MAEA: variants seen among roughly 807,000 people sequenced by gnomAD.
The protein encoded by MAEA is macrophage erythroblast attacher, E3 ubiquitin ligase.
In MAEA, 22 loss-of-function variants were observed where a neutral mutation model predicts 46.2. The observed-to-expected ratio is 0.48, with a 90% CI of 0.34 to 0.68. MAEA has a LOEUF of 0.68. Ranked by LOEUF, MAEA falls within the 30% of genes least tolerant of loss-of-function variation. MAEA has a pLI of 0.01. For synonymous variants in MAEA, 246 were observed against 222.6 expected (o/e 1.11, Z -0.94); for missense variants, 393 against 558.1 (o/e 0.70, Z 2.98).
chr4:1,309,965 T>C, intron 1 of MAEA: 1 of 1,247,010 alleles, frequency 8.0e-7, no homozygotes, highest in Non-Finnish European at 1.0e-6. Context: ...AGAGAGGCCT[T>C]TCCTTTTCTG....
intron 1 of MAEA, among the ~76,000 whole-genome samples, chr4:1,290,764 C>T (rs186057036): frequency 6.6e-6 from 1 of 152,312 alleles, no homozygotes; most frequent in African/African-American, 2.4e-5. Context: ...TGTTCACGTC[C>T]GTCTGAGGAC....
intron 1 of MAEA, chr4:1,309,312 C>G (rs1289600119): frequency 1.7e-6 from 1 of 577,982 alleles, no homozygotes; most frequent in Non-Finnish European, 2.4e-6. Context: ...CACTCGGTCA[C>G]CAAATGCCCT....
At chr4:1,293,395 A>G (rs1734308001) in intron 1 of MAEA, among the ~76,000 whole-genome samples, 1 of 152,166 alleles carries the variant, frequency 6.6e-6, no homozygotes, top group African/African-American at 2.4e-5. Flanking sequence ...TGTCTCAAAT[A>G]ATAAATAAAT....
intron 1 of MAEA, among the ~76,000 whole-genome samples, chr4:1,301,432 G>A (rs972182800): frequency 2.0e-5 from 3 of 152,188 alleles, no homozygotes; most frequent in East Asian, 1.9e-4. Flanking sequence ...GAGAAATCCC[G>A]TGAACATAAA....
intron 1 of MAEA, chr4:1,309,554 A>T: frequency 2.8e-6 from 4 of 1,447,300 alleles, no homozygotes; most frequent in Non-Finnish European, 3.7e-6. Flanking sequence ...CTCAGATTGG[A>T]TAGCCCCGGG....
chr4:1,312,149 C>A lies in MAEA; in HGVS notation c.240C>A (p.Val80=), dbSNP rs756840941. The A allele has an allele frequency of 8.1e-6, 13 of 1,613,832 alleles. No individual in the cohort carries two copies. The highest frequency in any genetic ancestry group is 4.4e-5 in the South Asian group (4 of 91,090). The stretch of plus-strand genomic sequence containing the variant: ...ACGGCGTGGTGGAGAAGCTCAGCGT[C>A]CTCAAGAGGAAGGTTGGTCCCGCCT... ...LLDGVVEKLS[V]LKRKAVESIQ... The change falls in exon 2 of 9, where the codon GTC becomes GTA. Residue 80 remains valine (V), a synonymous_variant. Coordinates refer to ENST00000303400, the MANE Select transcript of MAEA (RefSeq NM_001017405.3).
rs749446216 is a variant in MAEA, at chr4:1,309,916, C to T, written c.70-2063C>T. Reference sequence around the variant, plus strand: ...GGGGTTGGAAAGTCCAGAAAGGCCCCGTTCCCGCGTAGAACTTGAATGCAG... The same window carrying T: ...GGGGTTGGAAAGTCCAGAAAGGCCCTGTTCCCGCGTAGAACTTGAATGCAG... On this transcript the variant is annotated intron_variant, in intron 1 of 8. Transcript: ENST00000303400. The T allele has an allele frequency of 3.2e-5, 41 of 1,281,874 alleles. No homozygotes were observed. In the South Asian group the frequency reaches 9.9e-4, roughly 31 times the overall value. The allele number at this position is 1,281,874 out of a possible 1,614,324, so 79.4% of individuals were successfully genotyped here. A position where few individuals can be genotyped will look rare whatever the true frequency, so the allele number is the denominator to read the frequency against.
chr4:1,295,798 C>A (rs1186000235), intron 1 of MAEA, among the ~76,000 whole-genome samples: 12 of 31,658 alleles, frequency 3.8e-4, no homozygotes, highest in East Asian at 2.0e-3. Flanking sequence ...TGCCCCCCTC[C>A]CCAGCGCCTG....
At position 1,311,872 on chromosome 4, in the gene MAEA, C is replaced by T. The variant is rs962547771; in HGVS notation, c.70-107C>T. ...TTTTGAGACCATGAACCTTCTGAGA[C>T]TTCTGCCTCTACAAGTGCCATGAGG... On this transcript the variant is annotated intron_variant, in intron 1 of 8. Coordinates refer to ENST00000303400, the MANE Select transcript of MAEA (RefSeq NM_001017405.3). This position sits in a 1 kb window ranked among gnomAD's most constrained non-coding sequence, Gnocchi z 4.4. 2.1e-6 allele frequency: 2 copies of T among 965,646 alleles called. No individual in the cohort carries two copies. The highest frequency in any genetic ancestry group is 1.6e-5 in the African/African-American group (1 of 60,720). 59.8% of individuals were successfully genotyped at this position (965,646 alleles called of 1,614,324 possible).
At position 1,307,364 on chromosome 4, in the gene MAEA, C is replaced by T. The variant is rs530740755; in HGVS notation, c.70-4615C>T. 6.6e-5 allele frequency among the ~76,000 whole-genome samples: 10 copies of T among 152,064 alleles called. No individual in the cohort carries two copies. In the East Asian group the frequency reaches 1.9e-3, roughly 29 times the overall value. ...GGATCCACCATTCTGCTTTATGTGT[C>T]TAAGAGTTGGACTGTGTGAGATACC... On this transcript the variant is annotated intron_variant, in intron 1 of 8. Coordinates refer to ENST00000303400, the MANE Select transcript of MAEA (RefSeq NM_001017405.3).
intron 7 of MAEA, chr4:1,338,165 G>T (rs1304411396): frequency 4.4e-6 from 2 of 456,574 alleles, no homozygotes; most frequent in Non-Finnish European, 7.9e-6. Flanking sequence ...GGGCGACGGA[G>T]CCACTCTGTG....
intron 1 of MAEA, among the ~76,000 whole-genome samples, chr4:1,310,996 A>C (rs1413915918): frequency 3.9e-5 from 6 of 152,222 alleles, no homozygotes; most frequent in Non-Finnish European, 1.5e-5. Flanking sequence ...CCTCACGGCT[A>C]AGCACAGTGG....
chr4:1,333,363 G>A (rs1712102630), intron 6 of MAEA, among the ~76,000 whole-genome samples: 1 of 151,634 alleles, frequency 6.6e-6, no homozygotes, highest in Non-Finnish European at 1.5e-5. Context: ...AAGCAGTTGA[G>A]AAAGGTTCAG....
At chr4:1,306,770 C>T (rs1735876297) in intron 1 of MAEA, among the ~76,000 whole-genome samples, 1 of 152,228 alleles carries the variant, frequency 6.6e-6, no homozygotes, top group Admixed American at 6.5e-5. Context: ...TGTTGCCTGT[C>T]TCAAGGATGC....
chr4:1,328,950 G>A (rs947933632), intron 5 of MAEA: 3 of 992,110 alleles, frequency 3.0e-6, no homozygotes, highest in Non-Finnish European at 3.6e-6. Flanking sequence ...CGGGGACACG[G>A]CCAGGGGCCC....
At chr4:1,324,108 G>T (rs747143060) in intron 4 of MAEA, among the ~76,000 whole-genome samples, 1 of 151,954 alleles carries the variant, frequency 6.6e-6, no homozygotes, top group Non-Finnish European at 1.5e-5. Context: ...GGATGAGTGT[G>T]CCTGGTATTG....
chr4:1,307,854 A>C (rs56240712), intron 1 of MAEA, among the ~76,000 whole-genome samples: 1 of 151,920 alleles, frequency 6.6e-6, no homozygotes, highest in East Asian at 1.9e-4. Context: ...ACTGGATGGC[A>C]CCACCTACCT....
At chr4:1,325,547 C>T (rs897222330) in intron 4 of MAEA, among the ~76,000 whole-genome samples, 1 of 152,172 alleles carries the variant, frequency 6.6e-6, no homozygotes, top group African/African-American at 2.4e-5. Context: ...AAGCGGTAAC[C>T]TAGAGTGGGC....
In MAEA at chr4:1,307,222, C is replaced by T. The variant is rs199741857; in HGVS notation, c.70-4757C>T. Among the ~76,000 whole-genome samples, 11 of 152,292 alleles carry T rather than the reference C, an allele frequency of 7.2e-5. No homozygotes were observed. In the East Asian group the frequency reaches 1.7e-3, roughly 24 times the overall value. Reference sequence around the variant, plus strand: ...CTTTATCCATTTATAGCGTAGACACCGTTCCGTAAGCACACAGTACAGTCA... The same window carrying T: ...CTTTATCCATTTATAGCGTAGACACTGTTCCGTAAGCACACAGTACAGTCA... On this transcript the variant is annotated intron_variant, in intron 1 of 8. Coordinates refer to ENST00000303400, the MANE Select transcript of MAEA (RefSeq NM_001017405.3).
Sources: gnomAD v4.1 joint callset for allele counts (sites outside exome capture counted in the v4.1 genomes callset) on GRCh38, gnomAD v4.1.1 for gene constraint, Gnocchi (gnomAD v3.1) non-coding constraint, MANE v1.5 for transcripts, NCBI Gene and HGNC (gene_info 2026-07-23, HGNC 2026-07-21) for gene names.